The following ERC1 variants were observed in gnomAD, a reference collection of about 807,000 sequenced individuals.
ERC1 encodes the protein ELKS/RAB6-interacting/CAST family member 1, also known as RAB6 interacting protein 2.
In ERC1, 56 loss-of-function variants were observed where a neutral mutation model predicts 132.0. That is an observed-to-expected ratio of 0.42 (90% CI 0.34 to 0.53). ERC1 has a LOEUF of 0.53. Ranked by LOEUF, ERC1 falls within the 20% of genes least tolerant of loss-of-function variation. ERC1 has a pLI of 0.03. For missense variants in ERC1, 1,202 were observed against 1,349.9 expected (o/e 0.89, Z 1.72); for synonymous variants, 478 against 476.1 (o/e 1.00, Z -0.05).
chr12:1,374,163 T>C (rs1210859815), intron 16 of ERC1, among the ~76,000 whole-genome samples: 2 of 152,234 alleles, frequency 1.3e-5, no homozygotes, highest in Non-Finnish European at 2.9e-5. Flanking sequence ...TTCTAGTCCA[T>C]GAATTGCTGG....
chr12:996,184 G>A (rs1456266550), intron 1 of ERC1, among the ~76,000 whole-genome samples: 1 of 147,064 alleles, frequency 6.8e-6, no homozygotes, highest in Admixed American at 6.9e-5. Flanking sequence ...CGCCTCCTGG[G>A]TTCACACCAT....
At chr12:1,363,775 C>T (rs59627509) in intron 15 of ERC1, among the ~76,000 whole-genome samples, 17,506 of 151,966 alleles carry the variant, frequency 0.12, 2,499 homozygotes, top group African/African-American at 0.33. Context: ...AGGCTGGGCT[C>T]GAACTCCTGG....
At chr12:1,157,542 A>G (rs1283599929) in intron 8 of ERC1, among the ~76,000 whole-genome samples, 1 of 152,220 alleles carries the variant, frequency 6.6e-6, no homozygotes, top group Non-Finnish European at 1.5e-5. Flanking sequence ...TCTGATTTGA[A>G]ATGCCACAAA....
chr12:1,141,752 G>A lies in ERC1; in HGVS notation c.1702G>A (p.Val568Met), dbSNP rs756074170. ...EIHDLKDMLDVKERKVNVLQK... is the reference protein window; with the variant it reads ...EIHDLKDMLDMKERKVNVLQK... ...ACATGACCTCAAGGACATGTTGGAT[G>A]TGAAGGAGCGGAAGGTTAATGTTCT... is the stretch of plus-strand genomic sequence containing the variant. The change falls in exon 8 of 19, where the codon GTG becomes ATG. Residue 568 changes from valine to methionine, a missense_variant. Transcript: ENST00000360905. The A allele has an allele frequency of 5.6e-6, 9 of 1,610,650 alleles. No individual in the cohort carries two copies. Among genetic ancestry groups the A allele is most frequent in the East Asian group, 2.2e-5 (1 of 44,772 alleles).
At chr12:1,212,583 T>A (rs1957979201) in intron 12 of ERC1, among the ~76,000 whole-genome samples, 1 of 152,222 alleles carries the variant, frequency 6.6e-6, no homozygotes, top group Admixed American at 6.5e-5. Flanking sequence ...GGGGTCCTTG[T>A]CACACAGCCA....
At chr12:1,340,424 G>A (rs1012229595) in intron 15 of ERC1, among the ~76,000 whole-genome samples, 16 of 152,124 alleles carry the variant, frequency 1.1e-4, no homozygotes, top group Non-Finnish European at 1.9e-4. Context: ...CTCAGCTGAC[G>A]CGCTGCCCTT....
At chr12:1,133,385 G>A (rs940857473) in intron 7 of ERC1, among the ~76,000 whole-genome samples, 1 of 152,054 alleles carries the variant, frequency 6.6e-6, no homozygotes, top group Non-Finnish European at 1.5e-5. Flanking sequence ...AAGCACCTTC[G>A]CCATGACTGA....
intron 16 of ERC1, among the ~76,000 whole-genome samples, chr12:1,407,292 T>TAA (rs1565370313): frequency 6.6e-6 from 1 of 151,576 alleles, no homozygotes; most frequent in African/African-American, 2.4e-5. Context: ...TATATATATA[T>TAA]GAGAGAGAGA....
intron 18 of ERC1, among the ~76,000 whole-genome samples, chr12:1,464,325 G>A (rs1445242021): frequency 6.6e-6 from 1 of 151,998 alleles, no homozygotes; most frequent in Non-Finnish European, 1.5e-5. Flanking sequence ...TCAGAGAAGG[G>A]GAGTTCTGGT....
chr12:1,130,241 A>G (rs1045465962), intron 7 of ERC1, among the ~76,000 whole-genome samples: 3 of 152,164 alleles, frequency 2.0e-5, no homozygotes, highest in Non-Finnish European at 4.4e-5. Flanking sequence ...ACTCATGCCT[A>G]TAATTCCAGC....
chr12:1,070,839 C>A (rs1940208723), intron 2 of ERC1, among the ~76,000 whole-genome samples: 1 of 152,168 alleles, frequency 6.6e-6, no homozygotes, highest in Non-Finnish European at 1.5e-5. Context: ...ACAAAGTTCC[C>A]TTGCATCTCT....
chr12:1,258,764 T>C (rs2076963642), intron 13 of ERC1, among the ~76,000 whole-genome samples: 1 of 152,234 alleles, frequency 6.6e-6, no homozygotes, highest in African/African-American at 2.4e-5. Flanking sequence ...GAATTTCTTA[T>C]CATAATTCTG....
intron 7 of ERC1, among the ~76,000 whole-genome samples, chr12:1,137,999 AAT>A (rs1269831922): frequency 2.0e-4 from 26 of 128,926 alleles, no homozygotes; most frequent in African/African-American, 4.8e-4. Flanking sequence ...AATATATATT[AAT>A]ATATAAATGT....
chr12:1,129,671 C>A (rs541491011), intron 7 of ERC1, among the ~76,000 whole-genome samples: 35 of 152,266 alleles, frequency 2.3e-4, no homozygotes, highest in African/African-American at 8.4e-4. Flanking sequence ...AAAACATTGG[C>A]AACTCAGAAT....
chr12:1,297,899 G>A (rs1418582018), intron 15 of ERC1, among the ~76,000 whole-genome samples: 1 of 152,122 alleles, frequency 6.6e-6, no homozygotes, highest in Non-Finnish European at 1.5e-5. Context: ...TTAGGAGGTA[G>A]AATTGTAAGG....
rs1226660015 is a variant in ERC1 at position 1,418,623 on chromosome 12, CTTTCTTTCTT to C, written c.3024+10378_3024+10387del. ...TCTTTCTTTCTTTCTTTCTTTCTTT[CTTTCTTTCTT>C]TCTTTCTTTCTCTCTCTCTCTCTCT... On this transcript the variant is annotated intron_variant, in intron 17 of 18. Coordinates refer to ENST00000360905, the MANE Select transcript of ERC1 (RefSeq NM_178040.4). 2.6e-3 allele frequency among the ~76,000 whole-genome samples: 330 copies of C among 125,968 alleles called. 4 individuals are homozygous for C. Among genetic ancestry groups the C allele is most frequent in the African/African-American group, 0.013 (311 of 24,766 alleles). The allele number at this position is 125,968 out of a possible 152,430, so 82.6% of individuals were successfully genotyped here. A position where few individuals can be genotyped will look rare whatever the true frequency, so the allele number is the denominator to read the frequency against.
Position 1,328,345 on chromosome 12 carries a change from C to T in ERC1, c.2780+38333C>T, listed in dbSNP as rs79543065. Among the ~76,000 whole-genome samples the T allele has an allele frequency of 7.5e-3, 1,134 of 152,146 alleles. 7 individuals carry two copies. The highest frequency in any genetic ancestry group is 0.014 in the Middle Eastern group (4 of 294). ...TTTTGTTAGAAGTGAAGCCTCACTTCGTTGCCCAGGCTGGTCTCAAACCCC... is the reference window on the plus strand; with the variant it reads ...TTTTGTTAGAAGTGAAGCCTCACTTTGTTGCCCAGGCTGGTCTCAAACCCC... On this transcript the variant is annotated intron_variant, in intron 15 of 18. Coordinates refer to ENST00000360905, the MANE Select transcript of ERC1 (RefSeq NM_178040.4).
chr12:1,237,573 A>G (rs2075504322), intron 13 of ERC1, among the ~76,000 whole-genome samples: 1 of 152,182 alleles, frequency 6.6e-6, no homozygotes, highest in Non-Finnish European at 1.5e-5. Flanking sequence ...TCTAACCTTC[A>G]CAGTAATCCA....
chr12:994,321 G>T (rs957809012), intron 1 of ERC1, among the ~76,000 whole-genome samples: 4 of 150,738 alleles, frequency 2.7e-5, no homozygotes, highest in African/African-American at 2.4e-5. Flanking sequence ...AATATAATTT[G>T]TTTTTTTTTC....
Sources: allele counts gnomAD v4.1 joint callset (sites outside exome capture counted in the v4.1 genomes callset), GRCh38; gene constraint gnomAD v4.1.1; transcripts MANE v1.5; gene names NCBI Gene and HGNC (gene_info 2026-07-23, HGNC 2026-07-21).